MALRD1: variants seen among roughly 807,000 people sequenced by gnomAD.
The protein encoded by MALRD1 is MAM and LDL-receptor class A domain-containing protein 1.
A neutral mutation model predicts 242.1 loss-of-function variants in MALRD1; 247 were observed. The observed-to-expected ratio is 1.02, with a 90% CI of 0.92 to 1.13. The LOEUF is 1.13. Among genes scored for constraint, MALRD1 ranks in the 50% most tolerant of loss-of-function variants. The pLI, the probability that MALRD1 is intolerant of heterozygous loss-of-function variation, is 0.00. For missense variants in MALRD1, 2,989 were observed against 2,533.1 expected, an observed-to-expected ratio of 1.18 and a Z score of -3.86; for synonymous variants, 995 against 866.6, an observed-to-expected ratio of 1.15 and a Z score of -2.60.
chr10:19,464,006 G>A (rs1025661471), intron 29 of MALRD1, among the ~76,000 whole-genome samples: 3 of 152,066 alleles, frequency 2.0e-5, no homozygotes, highest in Non-Finnish European at 2.9e-5. Context: ...TTGACCATTT[G>A]TATATCTTCT....
intron 36 of MALRD1, among the ~76,000 whole-genome samples, chr10:19,617,041 C>A (rs1359727): frequency 0.36 from 54,834 of 151,666 alleles, 11,187 homozygotes; most frequent in Non-Finnish European, 0.47. Context: ...TTGAATGATG[C>A]CAAAAAGTTT....
At chr10:19,559,318 G>C (rs924013222) in intron 32 of MALRD1, among the ~76,000 whole-genome samples, 1 of 151,416 alleles carries the variant, frequency 6.6e-6, no homozygotes, top group African/African-American at 2.4e-5. Context: ...CAGGTAACTT[G>C]GCTAGAGGTT....
intron 24 of MALRD1, among the ~76,000 whole-genome samples, chr10:19,344,253 C>A (rs556805226): frequency 1.3e-5 from 2 of 152,056 alleles, no homozygotes; most frequent in African/African-American, 2.4e-5. Context: ...CCCTGATTTT[C>A]TCCTTTGTGT....
chr10:19,193,304 T>C (rs1239069348), intron 14 of MALRD1, among the ~76,000 whole-genome samples: 1 of 152,066 alleles, frequency 6.6e-6, no homozygotes, highest in East Asian at 1.9e-4. Context: ...ACCTGTAATC[T>C]CAGCACTTTG....
intron 29 of MALRD1, among the ~76,000 whole-genome samples, chr10:19,459,301 T>C (rs557717388): frequency 1.1e-4 from 17 of 152,290 alleles, no homozygotes; most frequent in African/African-American, 3.8e-4. Flanking sequence ...GTGAATAAAG[T>C]TGACACTAAA....
intron 24 of MALRD1, among the ~76,000 whole-genome samples, chr10:19,338,687 A>G (rs536136134): frequency 6.7e-6 from 1 of 148,364 alleles, no homozygotes; most frequent in East Asian, 1.9e-4. Context: ...TGCAACGTAA[A>G]ATAAGCATAT....
chr10:19,160,262 A>C (rs954106040), intron 12 of MALRD1, among the ~76,000 whole-genome samples: 26 of 150,230 alleles, frequency 1.7e-4, no homozygotes, highest in Non-Finnish European at 3.7e-4. Flanking sequence ...GCTGGATTAC[A>C]TTTATTGATT....
chr10:19,576,477 G>C (rs766733100), intron 33 of MALRD1, among the ~76,000 whole-genome samples: 1 of 152,038 alleles, frequency 6.6e-6, no homozygotes, highest in African/African-American at 2.4e-5. Flanking sequence ...GTATACTTTC[G>C]TGTTGTATAA....
At chr10:19,351,034 T>A (rs147061491) in intron 25 of MALRD1, among the ~76,000 whole-genome samples, 1 of 152,204 alleles carries the variant, frequency 6.6e-6, no homozygotes, top group East Asian at 1.9e-4. Flanking sequence ...AGTTGGGAGA[T>A]GGGTAGAGTC....
intron 14 of MALRD1, among the ~76,000 whole-genome samples, chr10:19,190,315 T>C (rs945812620): frequency 1.3e-5 from 2 of 152,044 alleles, no homozygotes; most frequent in Admixed American, 1.3e-4. Flanking sequence ...ATATAGATAA[T>C]GAAAAGACAT....
intron 33 of MALRD1, among the ~76,000 whole-genome samples, chr10:19,584,075 C>G (rs1047870775): frequency 2.1e-4 from 31 of 150,646 alleles, no homozygotes; most frequent in Admixed American, 1.1e-3. Flanking sequence ...GTGATATCCC[C>G]TTTATCATTT....
chr10:19,060,124 T>G (rs985745943), intron 1 of MALRD1, among the ~76,000 whole-genome samples: 1 of 152,198 alleles, frequency 6.6e-6, no homozygotes, highest in Admixed American at 6.5e-5. Flanking sequence ...TATTTTGTTT[T>G]GGAGCATAGT....
At chr10:19,600,048 G>C (rs927978616) in intron 34 of MALRD1, among the ~76,000 whole-genome samples, 1 of 152,126 alleles carries the variant, frequency 6.6e-6, no homozygotes, top group Non-Finnish European at 1.5e-5. Flanking sequence ...GAAAAACAAT[G>C]GGAAGAAGTG....
intron 14 of MALRD1, among the ~76,000 whole-genome samples, chr10:19,197,590 A>T (rs1368463951): frequency 6.6e-6 from 1 of 152,178 alleles, no homozygotes; most frequent in Non-Finnish European, 1.5e-5. Flanking sequence ...TGATTCCCTC[A>T]GTGGTGGGTG....
intron 34 of MALRD1, among the ~76,000 whole-genome samples, chr10:19,606,523 G>T (rs1330867258): frequency 1.3e-5 from 2 of 152,128 alleles, no homozygotes; most frequent in Non-Finnish European, 2.9e-5. Flanking sequence ...AACAAGTATA[G>T]ATCAATACCA....
At chr10:19,187,727 A>G (rs984676359) in intron 14 of MALRD1, among the ~76,000 whole-genome samples, 1 of 152,144 alleles carries the variant, frequency 6.6e-6, no homozygotes, top group African/African-American at 2.4e-5. Flanking sequence ...ACCAAATACC[A>G]CATGTTCTCA....
intron 26 of MALRD1, among the ~76,000 whole-genome samples, chr10:19,355,859 T>TATATATATATATATAC (rs1348787430): frequency 1.1e-3 from 20 of 18,258 alleles, no homozygotes; most frequent in Middle Eastern, 0.048. Context: ...ATATATATAT[T>TATATATATATATATAC]ATATATGATA....
intron 38 of MALRD1, among the ~76,000 whole-genome samples, chr10:19,698,960 G>T (rs1364880889): frequency 6.6e-6 from 1 of 151,942 alleles, no homozygotes; most frequent in Non-Finnish European, 1.5e-5. Flanking sequence ...ACCAAACACC[G>T]CATGTTCTTA....
chr10:19,384,323 A>G (rs1235891985), intron 26 of MALRD1, among the ~76,000 whole-genome samples: 1 of 129,986 alleles, frequency 7.7e-6, no homozygotes, highest in Non-Finnish European at 1.6e-5. Context: ...AATATATATT[A>G]TAGTATATAT....
Sources: gnomAD v4.1 joint callset for allele counts (sites outside exome capture counted in the v4.1 genomes callset) on GRCh38, gnomAD v4.1.1 for gene constraint, MANE v1.5 for transcripts, NCBI Gene and HGNC (gene_info 2026-07-23, HGNC 2026-07-21) for gene names.